The following SLC66A3 variants were observed in gnomAD, a reference collection of about 807,000 sequenced individuals.
SLC66A3 encodes solute carrier family 66 member 3.
Under a neutral mutation model 25.5 loss-of-function variants are expected in SLC66A3, and 23 were observed. The observed-to-expected ratio is 0.90, with a 90% CI of 0.65 to 1.28. The LOEUF (loss-of-function observed/expected upper bound fraction) is 1.28. Among genes scored for constraint, SLC66A3 ranks in the 50% most tolerant of loss-of-function variants. The pLI is 0.00. For synonymous variants in SLC66A3, 108 were observed against 112.6 expected, an observed-to-expected ratio of 0.96 and a Z score of 0.26; for missense variants, 246 against 262.1, an observed-to-expected ratio of 0.94 and a Z score of 0.42.
At chr2:11,164,540 C>CA (rs1558253075) in intron 4 of SLC66A3, among the ~76,000 whole-genome samples, 1 of 142,388 alleles carries the variant, frequency 7.0e-6, no homozygotes, top group Non-Finnish European at 1.5e-5. Context: ...TTTTTGTTTT[C>CA]TTTTTTTTTT....
chr2:11,171,997 G>A lies in SLC66A3; in HGVS notation c.427G>A (p.Gly143Arg), dbSNP rs769547283. 3 of 1,614,010 alleles carry A rather than the reference G, an allele frequency of 1.9e-6. No homozygotes were observed. Among genetic ancestry groups the A allele is most frequent in the East Asian group, 2.2e-5 (1 of 44,894 alleles). Residue 143 changes from glycine (G) to arginine (R), a missense_variant, in exon 5 of 7, where the codon GGA (glycine) becomes AGA (arginine). By Grantham distance (125) the Gly-to-Arg change is moderately radical (BLOSUM62 -2). Coordinates refer to ENST00000295083, the MANE Select transcript of SLC66A3 (RefSeq NM_152391.5). ...GTGTCTGTGGAAGACGAGAGACTCA[G>A]GAACTGTGAGTGCGCTGACTTGGAG... Reference protein sequence around the residue: ...LQCLWKTRDSGTVSALTWSLS... With the variant: ...LQCLWKTRDSRTVSALTWSLS...
chr2:11,155,737 T>G (rs1373143891), intron 1 of SLC66A3, 48 bp downstream of exon 1: 2 of 1,320,454 alleles, frequency 1.5e-6, no homozygotes, highest in African/African-American at 1.5e-5. Context: ...TCGCAGCTGC[T>G]GCCGGCTGGG....
At chr2:11,171,273 G>T (rs1662543974) in intron 4 of SLC66A3, among the ~76,000 whole-genome samples, 1 of 152,050 alleles carries the variant, frequency 6.6e-6, no homozygotes, top group Admixed American at 6.6e-5. Context: ...AGCCAAGATT[G>T]TGCCACTGCA....
intron 1 of SLC66A3, among the ~76,000 whole-genome samples, chr2:11,158,872 C>T (rs1478720692): frequency 6.6e-6 from 1 of 152,202 alleles, no homozygotes; most frequent in Non-Finnish European, 1.5e-5. Flanking sequence ...CACCCCACCT[C>T]CCCAGGCTGC....
chr2:11,160,748 G>A, intron 3 of SLC66A3, 54 bp downstream of exon 3: 1 of 1,612,164 alleles, frequency 6.2e-7, no homozygotes, highest in Non-Finnish European at 8.5e-7. Context: ...ATTTGTGAAT[G>A]GTATGCATTG....
At chr2:11,173,028 A>G (rs1662609485) in intron 5 of SLC66A3, among the ~76,000 whole-genome samples, 1 of 151,990 alleles carries the variant, frequency 6.6e-6, no homozygotes, top group Non-Finnish European at 1.5e-5. Context: ...ATGCCTGGCT[A>G]ATTTTTGTAT....
chr2:11,165,131 C>T (rs1326980940), intron 4 of SLC66A3, among the ~76,000 whole-genome samples: 1 of 151,904 alleles, frequency 6.6e-6, no homozygotes, highest in Non-Finnish European at 1.5e-5. Flanking sequence ...CCCCCCACCT[C>T]CCGGACGGGG....
intron 3 of SLC66A3, 74 bp from the exon 4 acceptor site, chr2:11,164,130 G>T: frequency 1.1e-6 from 1 of 901,592 alleles, no homozygotes; most frequent in Admixed American, 2.2e-5. Flanking sequence ...CTGTGGTCTT[G>T]GTTTGTATAT....
intron 6 of SLC66A3, among the ~76,000 whole-genome samples, chr2:11,177,207 C>T (rs145057466): frequency 0.021 from 3,134 of 152,182 alleles, 78 homozygotes; most frequent in Non-Finnish European, 0.028. Flanking sequence ...CGCCTGTAAT[C>T]CCAGCACTTT....
At chr2:11,174,075 C>T (rs1662646642) in intron 5 of SLC66A3, among the ~76,000 whole-genome samples, 1 of 152,150 alleles carries the variant, frequency 6.6e-6, no homozygotes, top group South Asian at 2.1e-4. Context: ...CTGCCTCAGC[C>T]TCCCAAGTAG....
intron 5 of SLC66A3, 59 bp from the exon 6 acceptor site, chr2:11,174,909 G>C (rs1159652271): frequency 1.6e-6 from 2 of 1,215,066 alleles, no homozygotes; most frequent in Non-Finnish European, 1.2e-6. Flanking sequence ...GACATTATTA[G>C]CTAAGCCCCA....
chr2:11,160,812 A>C (rs77424177), intron 3 of SLC66A3, 118 bp downstream of exon 3: 4 of 1,465,778 alleles, frequency 2.7e-6, no homozygotes, highest in Non-Finnish European at 3.7e-6. Flanking sequence ...AAAAAAAAAA[A>C]AAAAAAAAAT....
chr2:11,155,864 G>A (rs948718624), intron 1 of SLC66A3, among the ~76,000 whole-genome samples, 175 bp downstream of exon 1: 12 of 152,064 alleles, frequency 7.9e-5, no homozygotes, highest in Non-Finnish European at 1.8e-4. Context: ...TCTTCCCACG[G>A]CCACCCGCCA....
At chr2:11,160,572 C>T (rs371163411) in intron 2 of SLC66A3, 24 bp downstream of exon 2, 9 of 1,614,024 alleles carry the variant, frequency 5.6e-6, no homozygotes, top group East Asian at 4.5e-5. Flanking sequence ...CCCTGTCCAG[C>T]GGACTGCCAC....
Position 11,155,683 on chromosome 2 carries a change from T to C in SLC66A3, c.137T>C (p.Leu46Pro), listed in dbSNP as rs746548911. Residue 46 changes from leucine (L) to proline (P), a missense_variant, in exon 1 of 7, where the codon CTG becomes CCG. Leu to Pro is a moderately conservative substitution (Grantham distance 98, BLOSUM62 -3). Coordinates refer to ENST00000295083, the MANE Select transcript of SLC66A3 (RefSeq NM_152391.5). ...AGCCTTCCGAGTTTACTTCTGGAGCTGGCAGGGTAAGGCCCGGGGCGGCCG... is the reference window on the plus strand; with the variant it reads ...AGCCTTCCGAGTTTACTTCTGGAGCCGGCAGGGTAAGGCCCGGGGCGGCCG... Reference protein sequence around the residue: ...GLSLPSLLLELAGFLVFLRYQ... With the variant: ...GLSLPSLLLEPAGFLVFLRYQ... 6.9e-7 allele frequency: 1 copy of C among 1,442,750 alleles called. No individual in the cohort carries two copies. The highest frequency in any genetic ancestry group is 9.1e-7 in the Non-Finnish European group (1 of 1,102,328). The allele number at this position is 1,442,750 out of a possible 1,614,324, so 89.4% of individuals were successfully genotyped here.
chr2:11,159,443 C>A (rs973577759), intron 1 of SLC66A3, among the ~76,000 whole-genome samples: 3 of 152,178 alleles, frequency 2.0e-5, no homozygotes, highest in African/African-American at 2.4e-5. Flanking sequence ...CGGTGGGGGC[C>A]CGCACTCGGG....
intron 1 of SLC66A3, among the ~76,000 whole-genome samples, chr2:11,159,245 C>T (rs1387058375): frequency 6.6e-6 from 1 of 152,188 alleles, no homozygotes; most frequent in Non-Finnish European, 1.5e-5. Flanking sequence ...GCAGCCTCCC[C>T]CTCTGCCAGC....
At chr2:11,170,007 T>G (rs1662493778) in intron 4 of SLC66A3, among the ~76,000 whole-genome samples, 1 of 151,784 alleles carries the variant, frequency 6.6e-6, no homozygotes, top group African/African-American at 2.4e-5. Flanking sequence ...CCCAGCTAAT[T>G]TTTGTGTTTT....
intron 4 of SLC66A3, among the ~76,000 whole-genome samples, chr2:11,169,080 ACTC>A (rs1449422459): frequency 2.0e-5 from 3 of 151,564 alleles, no homozygotes; most frequent in Admixed American, 2.0e-4. Context: ...CTGGTCTCGA[ACTC>A]CTGGCCTCAA....
Sources: allele counts gnomAD v4.1 joint callset (sites outside exome capture counted in the v4.1 genomes callset), GRCh38; gene constraint gnomAD v4.1.1; transcripts MANE v1.5; gene names NCBI Gene and HGNC (gene_info 2026-07-23, HGNC 2026-07-21).